TMEM233: variants seen among roughly 807,000 people sequenced by gnomAD.
The protein encoded by TMEM233 is transmembrane protein 233.
In TMEM233, 6 loss-of-function variants were observed where a neutral mutation model predicts 11.2. The observed-to-expected ratio is 0.54, with a 90% CI of 0.29 to 1.06. TMEM233 has a LOEUF of 1.06. Among genes scored for constraint, TMEM233 ranks in the 50% least tolerant of loss-of-function variants. The probability of loss-of-function intolerance (pLI) is 0.08; values close to 1 mark genes in which losing one functional copy is unlikely to be tolerated. For synonymous variants in TMEM233, 59 were observed against 55.8 expected (o/e 1.06, Z -0.26); for missense variants, 127 against 144.7 (o/e 0.88, Z 0.63).
intron 1 of TMEM233, among the ~76,000 whole-genome samples, chr12:119,601,007 AAT>A (rs1472380353): frequency 2.0e-5 from 3 of 152,208 alleles, no homozygotes; most frequent in Non-Finnish European, 2.9e-5. Context: ...AAAAGATAAA[AAT>A]AGTCAAGAAT....
chr12:119,624,069 G>T (rs925723072), intron 1 of TMEM233, among the ~76,000 whole-genome samples: 2 of 151,978 alleles, frequency 1.3e-5, no homozygotes, highest in Admixed American at 6.6e-5. Flanking sequence ...ATAATAATAG[G>T]CTGGGTAAGG....
At chr12:119,609,951 G>C (rs1954362525) in intron 1 of TMEM233, among the ~76,000 whole-genome samples, 1 of 152,180 alleles carries the variant, frequency 6.6e-6, no homozygotes, top group South Asian at 2.1e-4. Context: ...CTAGACCCCA[G>C]AATGGTAGAT....
intron 1 of TMEM233, among the ~76,000 whole-genome samples, chr12:119,618,893 G>A (rs1197410389): frequency 2.0e-5 from 3 of 152,180 alleles, no homozygotes; most frequent in Non-Finnish European, 4.4e-5. Context: ...ATTTTGTCTT[G>A]AAATGTGAGG....
At chr12:119,625,207 C>T (rs982640740) in intron 1 of TMEM233, among the ~76,000 whole-genome samples, 1 of 152,184 alleles carries the variant, frequency 6.6e-6, no homozygotes, top group Admixed American at 6.5e-5. Flanking sequence ...CTGGGTATTT[C>T]TCTGGCTTGT....
At chr12:119,643,851 T>A (rs1408317014), downstream of TMEM233, among the ~76,000 whole-genome samples, 2 of 151,634 alleles carry the variant, frequency 1.3e-5, no homozygotes, top group African/African-American at 2.4e-5. Context: ...GCAGAAAAAG[T>A]AGAGTTTACC....
chr12:119,594,226 C>T lies in TMEM233; in HGVS notation c.186+192C>T. 1.7e-6 allele frequency: 1 copy of T among 602,600 alleles called. No individual in the cohort carries two copies. Among genetic ancestry groups the T allele is most frequent in the East Asian group, 2.8e-5 (1 of 35,662 alleles). The allele number at this position is 602,600 out of a possible 1,614,324, so 37.3% of individuals were successfully genotyped here. On this transcript the variant is annotated intron_variant, in intron 1 of 2. Coordinates refer to ENST00000426426, the MANE Select transcript of TMEM233 (RefSeq NM_001136534.3). This position sits in a 1 kb window ranked among gnomAD's most constrained non-coding sequence, Gnocchi z 5.6. ...CTCTCCCCGCAATCATCAGCACCTC[C>T]TCTGCACTCCTCGTGGTACTCAGAG...
intron 2 of TMEM233, among the ~76,000 whole-genome samples, chr12:119,636,883 C>T (rs1013421227): frequency 6.6e-6 from 1 of 152,254 alleles, no homozygotes; most frequent in Non-Finnish European, 1.5e-5. Flanking sequence ...CCAAGGAGGG[C>T]GCCCTACTGG....
rs141108265 is a variant in TMEM233, at chr12:119,615,887, C to T, written c.187-13849C>T. ...ACTCTTTTTCTTTGAGGTGTGGATG[C>T]CAGGAGTTGCCTGGCACAGCCTCAT... On this transcript the variant is annotated intron_variant, in intron 1 of 2. Coordinates refer to ENST00000426426, the MANE Select transcript of TMEM233 (RefSeq NM_001136534.3). Among the ~76,000 whole-genome samples the T allele has an allele frequency of 3.9e-5, 6 of 152,154 alleles. No individual in the cohort carries two copies. In the East Asian group the frequency reaches 1.2e-3, roughly 29 times the overall value.
At chr12:119,613,974 C>G (rs1954467261) in intron 1 of TMEM233, among the ~76,000 whole-genome samples, 1 of 151,540 alleles carries the variant, frequency 6.6e-6, no homozygotes, top group African/African-American at 2.4e-5. Context: ...AACGGGGAGA[C>G]AGTGAGCAAG....
chr12:119,648,644 G>A, the TMEM233 span, among the ~76,000 whole-genome samples: 18 of 152,268 alleles, frequency 1.2e-4, no homozygotes, highest in Non-Finnish European at 1.2e-4. Context: ...AGCAGATCAT[G>A]AGCCCCCATG....
At chr12:119,620,014 C>A (rs1691785155) in intron 1 of TMEM233, among the ~76,000 whole-genome samples, 1 of 152,178 alleles carries the variant, frequency 6.6e-6, no homozygotes, top group South Asian at 2.1e-4. Flanking sequence ...AATAAATATT[C>A]ATTTATACAT....
At chr12:119,617,631 C>T (rs1313467093) in intron 1 of TMEM233, among the ~76,000 whole-genome samples, 4 of 152,060 alleles carry the variant, frequency 2.6e-5, no homozygotes, top group African/African-American at 9.7e-5. Context: ...GTTAGGAGTT[C>T]GAGACCAGCC....
intron 1 of TMEM233, among the ~76,000 whole-genome samples, chr12:119,628,253 A>C (rs182635545): frequency 0.021 from 3,254 of 151,712 alleles, 51 homozygotes; most frequent in Non-Finnish European, 0.032. Flanking sequence ...TCTGCCTCCC[A>C]GGTTCAAGCA....
the TMEM233 span, among the ~76,000 whole-genome samples, chr12:119,652,272 T>C: frequency 1.3e-5 from 2 of 152,226 alleles, no homozygotes; most frequent in South Asian, 2.1e-4. Context: ...GGCAGTGTTA[T>C]GTGTGAAAGT....
Position 119,640,857 on chromosome 12 carries a change from A to AAAAT in TMEM233, c.*155_*156insTAAA. 7.2e-6 allele frequency: 3 copies of AAAAT among 415,106 alleles called. No homozygotes were observed. Among genetic ancestry groups the AAAAT allele is most frequent in the Admixed American group, 9.7e-5 (1 of 10,298 alleles). 25.7% of individuals were successfully genotyped at this position (415,106 alleles called of 1,614,324 possible). A position where few individuals can be genotyped will look rare whatever the true frequency, so the allele number is the denominator to read the frequency against. ...GGCAGGTCCCTGGCAAATGAACAAG[A>AAAAT]AAAAAAAAAAAAAAAAGTCCAAAAT... On this transcript the variant is annotated 3_prime_UTR_variant, in exon 3 of 3. Coordinates refer to ENST00000426426, the MANE Select transcript of TMEM233 (RefSeq NM_001136534.3).
chr12:119,652,573 T>C, the TMEM233 span, among the ~76,000 whole-genome samples: 15 of 152,230 alleles, frequency 9.9e-5, no homozygotes, highest in African/African-American at 3.6e-4. Context: ...ATAGTCTTAT[T>C]AGGCAGCAGA....
chr12:119,600,143 A>T (rs940382009), intron 1 of TMEM233, among the ~76,000 whole-genome samples: 12 of 151,674 alleles, frequency 7.9e-5, no homozygotes, highest in African/African-American at 2.2e-4. Context: ...TCAACTAAAG[A>T]TTATCAGACA....
At position 119,594,831 on chromosome 12, in the gene TMEM233, C is replaced by T. The variant is rs1159157910; in HGVS notation, c.186+797C>T. On this transcript the variant is annotated intron_variant, in intron 1 of 2. Transcript: ENST00000426426. The surrounding 1 kb of genome is among the most constrained non-coding windows in gnomAD (Gnocchi z 5.6). ...GCAAAGTGGGTGCGCCTCTCTTACT[C>T]TTTCTACCCAGCGCGTCGTAGTTCC... Among the ~76,000 whole-genome samples, 1 of 152,132 alleles carries T rather than the reference C, an allele frequency of 6.6e-6. No homozygotes were observed. Among genetic ancestry groups the T allele is most frequent in the African/African-American group, 2.4e-5 (1 of 41,448 alleles).
In TMEM233 at chr12:119,595,212, G is replaced by C. The variant is rs530569777; in HGVS notation, c.186+1178G>C. ...CGGGGGTGGCGGCGGGGTGAGGTTC[G>C]TACCGGCACTGTCCCGGGACAACCC... is the stretch of plus-strand genomic sequence containing the variant. On this transcript the variant is annotated intron_variant, in intron 1 of 2. Coordinates refer to ENST00000426426, the MANE Select transcript of TMEM233 (RefSeq NM_001136534.3). This position sits in a 1 kb window ranked among gnomAD's most constrained non-coding sequence, Gnocchi z 4.3. 6.8e-4 allele frequency among the ~76,000 whole-genome samples: 103 copies of C among 152,340 alleles called. No individual in the cohort carries two copies. Among genetic ancestry groups the C allele is most frequent in the African/African-American group, 2.4e-3 (100 of 41,576 alleles).
Sources: allele counts gnomAD v4.1 joint callset (sites outside exome capture counted in the v4.1 genomes callset), GRCh38; gene constraint gnomAD v4.1.1; non-coding constraint Gnocchi (gnomAD v3.1); transcripts MANE v1.5; gene names NCBI Gene and HGNC (gene_info 2026-07-23, HGNC 2026-07-21).